The following SLC35A5 variants were observed in gnomAD, a reference collection of about 807,000 sequenced individuals.
The protein encoded by SLC35A5 is solute carrier family 35 member A5.
Under a neutral mutation model 36.3 loss-of-function variants are expected in SLC35A5, and 28 were observed. The observed-to-expected ratio is 0.77, with a 90% CI of 0.57 to 1.06. The LOEUF (loss-of-function observed/expected upper bound fraction) is 1.06. Among genes scored for constraint, SLC35A5 ranks in the 50% least tolerant of loss-of-function variants. The pLI is 0.00. For synonymous variants in SLC35A5, 180 were observed against 173.7 expected, an observed-to-expected ratio of 1.04 and a Z score of -0.29; for missense variants, 521 against 499.3, an observed-to-expected ratio of 1.04 and a Z score of -0.41.
At chr3:112,577,090 AAG>A (rs1934708575) in intron 5 of SLC35A5, among the ~76,000 whole-genome samples, 2 of 47,946 alleles carry the variant, frequency 4.2e-5, no homozygotes, top group South Asian at 8.6e-4. Flanking sequence ...AAAATTTTTT[AAG>A]AAAAAAAAAA....
At chr3:112,574,086 CT>C (rs1934570895) in intron 5 of SLC35A5, 130 bp downstream of exon 5, 3 of 736,484 alleles carry the variant, frequency 4.1e-6, no homozygotes, top group Non-Finnish European at 6.8e-6. Context: ...ACTTTGTGTA[CT>C]GGGCACGTTT....
At chr3:112,575,000 TA>T (rs966963956) in intron 5 of SLC35A5, among the ~76,000 whole-genome samples, 1 of 151,870 alleles carries the variant, frequency 6.6e-6, no homozygotes, top group Admixed American at 6.6e-5. Flanking sequence ...ATTCTTTAAC[TA>T]AAAAAAAGAT....
In SLC35A5 at chr3:112,582,749, T is replaced by C. The variant is rs367757440; in HGVS notation, c.*13T>C. On this transcript the variant is annotated 3_prime_UTR_variant, in exon 7 of 7. Coordinates refer to ENST00000492406, the MANE Select transcript of SLC35A5 (RefSeq NM_017945.5). ...AGATACTTTCTAACTGGTACCCACA[T>C]AGTTTGCAGCTCTCTTGAACCTTAT... 1.2e-6 allele frequency: 2 copies of C among 1,604,180 alleles called. No individual in the cohort carries two copies. Among genetic ancestry groups the C allele is most frequent in the Non-Finnish European group, 1.7e-6 (2 of 1,171,862 alleles).
At chr3:112,571,942 T>G (rs1934460485) in intron 4 of SLC35A5, among the ~76,000 whole-genome samples, 1 of 135,534 alleles carries the variant, frequency 7.4e-6, no homozygotes, top group African/African-American at 2.8e-5. Context: ...TTTTTTTTTT[T>G]TTTTTTTTTT....
At chr3:112,578,200 T>C (rs1379508236) in intron 5 of SLC35A5, among the ~76,000 whole-genome samples, 4 of 152,240 alleles carry the variant, frequency 2.6e-5, no homozygotes, top group Non-Finnish European at 4.4e-5. Flanking sequence ...ACCTATATGT[T>C]ATTAGAAAAC....
chr3:112,561,876 C>G, upstream of SLC35A5: 1 of 283,324 alleles, frequency 3.5e-6, no homozygotes, highest in Non-Finnish European at 6.7e-6. Flanking sequence ...TCTGTCCTCG[C>G]TTTGCTTCAC....
chr3:112,572,067 C>T (rs949698317), intron 4 of SLC35A5, among the ~76,000 whole-genome samples: 6 of 149,774 alleles, frequency 4.0e-5, no homozygotes, highest in African/African-American at 7.4e-5. Context: ...CTCAGCCTCC[C>T]GAGTAGCTGG....
In SLC35A5 at chr3:112,584,212, A is replaced by T. The variant is rs975781208; in HGVS notation, c.*1476A>T. 1.3e-5 allele frequency: 2 copies of T among 152,142 alleles called. No homozygotes were observed. Among genetic ancestry groups the T allele is most frequent in the Non-Finnish European group, 2.9e-5 (2 of 68,014 alleles). The allele number at this position is 152,142 out of a possible 1,614,324, so 9.4% of individuals were successfully genotyped here. A position where few individuals can be genotyped will look rare whatever the true frequency, so the allele number is the denominator to read the frequency against. ...TGGGATGTAGAGTACTTTTAATCTTAAAAAATAGAGTGAGACAAAAACCTA... is the reference window on the plus strand; with the variant it reads ...TGGGATGTAGAGTACTTTTAATCTTTAAAAATAGAGTGAGACAAAAACCTA... On this transcript the variant is annotated 3_prime_UTR_variant, in exon 7 of 7. Transcript: ENST00000492406.
chr3:112,575,872 T>G (rs2933139), intron 5 of SLC35A5, among the ~76,000 whole-genome samples: 147,765 of 151,050 alleles, frequency 0.98, 72,297 homozygotes, highest in Admixed American at 0.99. Context: ...CAATTCTTGT[T>G]CCTCAGCCTC....
In SLC35A5 at chr3:112,582,715, G is replaced by A. The variant is rs1934987274; in HGVS notation, c.1254G>A (p.Glu418=). The A allele has an allele frequency of 1.2e-6, 2 of 1,612,496 alleles. No homozygotes were observed. The highest frequency in any genetic ancestry group is 1.7e-5 in the Admixed American group (1 of 59,902). Residue 418 remains glutamate, a synonymous_variant, in exon 7 of 7, where the codon GAG becomes GAA. Transcript: ENST00000492406. ...GACTTACCAAACCCAAGAGTGATGA[G>A]TCAGATGAAGATACTTTCTAACTGG... is the stretch of plus-strand genomic sequence containing the variant. ...LERLTKPKSD[E]SDEDTF
chr3:112,578,859 T>G (rs1248289042), intron 5 of SLC35A5, among the ~76,000 whole-genome samples: 1 of 152,214 alleles, frequency 6.6e-6, no homozygotes, highest in African/African-American at 2.4e-5. Context: ...GAATTTTTTT[T>G]GTAAAATGGA....
chr3:112,571,420 T>C (rs1033341075), intron 4 of SLC35A5, among the ~76,000 whole-genome samples: 1 of 152,242 alleles, frequency 6.6e-6, no homozygotes, highest in Admixed American at 6.5e-5. Flanking sequence ...CTTTAAAAAG[T>C]AAATTCAGGC....
rs1266571692 is a variant in SLC35A5 at position 112,573,925 on chromosome 3, A to G, written c.397A>G (p.Thr133Ala). The G allele has an allele frequency of 1.2e-6, 2 of 1,613,540 alleles. No individual in the cohort carries two copies. The highest frequency in any genetic ancestry group is 2.7e-5 in the African/African-American group (2 of 74,908). Residue 133 changes from threonine (T) to alanine (A), a missense_variant, in exon 5 of 7, where the codon ACA (threonine) becomes GCA (alanine). Thr to Ala is a moderately conservative substitution (Grantham distance 58). Transcript: ENST00000492406. The part of the protein sequence containing the change: ...AVIFSNFSII[T>A]TALLFRIVLK... ...TATCTTCTCAAATTTTAGCATTATA[A>G]CAACAGCTCTTCTATTCAGGATAGT...
rs754212787 is a variant in SLC35A5 at position 112,582,647 on chromosome 3, T to C, written c.1210-24T>C. On this transcript the variant is annotated intron_variant, in intron 6 of 6. Transcript: ENST00000492406. Reference sequence around the variant, plus strand: ...GCTACATTTCCAGTTTTGTTCTAATTACTGCTTTCATGTTTCCTTTTAGGA... The same window carrying C: ...GCTACATTTCCAGTTTTGTTCTAATCACTGCTTTCATGTTTCCTTTTAGGA... 4.4e-6 allele frequency: 7 copies of C among 1,595,402 alleles called. No individual in the cohort carries two copies. In the Admixed American group the frequency reaches 6.7e-5, roughly 15 times the overall value.
In SLC35A5 at chr3:112,580,848, C is replaced by T. The variant is rs752196123; in HGVS notation, c.731C>T (p.Ser244Leu). 4 of 1,614,166 alleles carry T rather than the reference C, an allele frequency of 2.5e-6. No homozygotes were observed. Among genetic ancestry groups the T allele is most frequent in the South Asian group, 1.1e-5 (1 of 91,084 alleles). Residue 244 changes from serine to leucine, a missense_variant, in exon 6 of 7, where the codon TCA becomes TTA. Physicochemically the swap from Ser to Leu is moderately radical, Grantham distance 145. Transcript: ENST00000492406. ...ATTATAGTCCAGTGTTTTATTTCTTCAATGGCTAATATCTATAATGAAAAG... is the reference window on the plus strand; with the variant it reads ...ATTATAGTCCAGTGTTTTATTTCTTTAATGGCTAATATCTATAATGAAAAG... ...VLIIVQCFIS[S>L]MANIYNEKIL...
upstream of SLC35A5, chr3:112,561,350 C>T (rs2107399340): frequency 8.4e-7 from 1 of 1,187,266 alleles, no homozygotes. Context: ...GCCCTACTGC[C>T]TTCCTACACC....
At chr3:112,568,259 G>A (rs1427612869) in intron 2 of SLC35A5, among the ~76,000 whole-genome samples, 1 of 152,200 alleles carries the variant, frequency 6.6e-6, no homozygotes, top group Non-Finnish European at 1.5e-5. Flanking sequence ...AAAGTGTTCT[G>A]GATAGACAGT....
chr3:112,578,691 T>A (rs1279813567), intron 5 of SLC35A5, among the ~76,000 whole-genome samples: 1 of 152,230 alleles, frequency 6.6e-6, no homozygotes, highest in Non-Finnish European at 1.5e-5. Context: ...GAGCATTACC[T>A]TGAATGAGTA....
rs1227002497 is a variant in SLC35A5, at chr3:112,582,848, T to G, written c.*112T>G. ...CAGAAATGTTTCTAAATCCTAATATTCTTTGCATATATCTAGCTACTCCCT... is the reference window on the plus strand; with the variant it reads ...CAGAAATGTTTCTAAATCCTAATATGCTTTGCATATATCTAGCTACTCCCT... On this transcript the variant is annotated 3_prime_UTR_variant, in exon 7 of 7. Coordinates refer to ENST00000492406, the MANE Select transcript of SLC35A5 (RefSeq NM_017945.5). The G allele has an allele frequency of 2.2e-6, 2 of 914,146 alleles. No individual in the cohort carries two copies. Among genetic ancestry groups the G allele is most frequent in the Admixed American group, 2.2e-5 (1 of 45,084 alleles). 56.6% of individuals were successfully genotyped at this position (914,146 alleles called of 1,614,324 possible).
Sources: gnomAD v4.1 joint callset for allele counts (sites outside exome capture counted in the v4.1 genomes callset) on GRCh38, gnomAD v4.1.1 for gene constraint, MANE v1.5 for transcripts, NCBI Gene and HGNC (gene_info 2026-07-23, HGNC 2026-07-21) for gene names.